The following WWP1 variants were observed in gnomAD, a reference collection of about 807,000 sequenced individuals.
WWP1 encodes NEDD4-like E3 ubiquitin-protein ligase WWP1.
In WWP1, 49 loss-of-function variants were observed where a neutral mutation model predicts 130.6. The ratio of observed to expected loss-of-function variants is 0.38; its 90% CI spans 0.30 to 0.48. WWP1 has a LOEUF of 0.48. WWP1 is among the 20% of genes least tolerant of loss of function. The probability of loss-of-function intolerance (pLI) is 0.99; values close to 1 mark genes in which losing one functional copy is unlikely to be tolerated. For missense variants in WWP1, 809 were observed against 1,100.6 expected (o/e 0.74, Z 3.75); for synonymous variants, 332 against 367.8 (o/e 0.90, Z 1.11).
chr8:86,408,779 G>T (rs945818270), intron 8 of WWP1, among the ~76,000 whole-genome samples: 4 of 152,028 alleles, frequency 2.6e-5, no homozygotes, highest in Non-Finnish European at 5.9e-5. Flanking sequence ...GTGTGGTGAC[G>T]CATGCCTATA....
intron 7 of WWP1, among the ~76,000 whole-genome samples, chr8:86,399,366 C>G (rs1796239769): frequency 6.6e-6 from 1 of 151,932 alleles, no homozygotes; most frequent in African/African-American, 2.4e-5. Context: ...CAGTTCATGA[C>G]AATTAATAGA....
At chr8:86,401,284 G>C (rs971422058) in intron 7 of WWP1, among the ~76,000 whole-genome samples, 1 of 151,968 alleles carries the variant, frequency 6.6e-6, no homozygotes. Context: ...TTTCAGGCCA[G>C]GTACAATGGC....
Position 86,427,800 on chromosome 8 carries a change from C to T in WWP1, c.1315C>T (p.Gln439Ter). The T allele has an allele frequency of 1.9e-6, 3 of 1,611,976 alleles. No individual in the cohort carries two copies. Among genetic ancestry groups the T allele is most frequent in the Non-Finnish European group, 2.5e-6 (3 of 1,178,928 alleles). The change falls in exon 11 of 25, where the codon CAA becomes TAA. Residue 439 changes from glutamine to a stop codon, truncating the protein, a stop_gained. Transcript: ENST00000517970. LOFTEE classifies it high-confidence loss of function. ...QLQGAMQQFN[Q>*]RYLYSASMLA... is the part of the protein sequence containing the mutation. ...GCAGGGAGCTATGCAACAGTTTAAC[C>T]AACGATACCTCTATTCGGTAATTAG...
At chr8:86,443,102 A>G (rs1810678660) in intron 18 of WWP1, among the ~76,000 whole-genome samples, 1 of 152,150 alleles carries the variant, frequency 6.6e-6, no homozygotes, top group Non-Finnish European at 1.5e-5. Flanking sequence ...AGAAAGGATC[A>G]CAGTCTGTTG....
At chr8:86,364,407 A>C (rs1823840367) in intron 1 of WWP1, among the ~76,000 whole-genome samples, 1 of 152,194 alleles carries the variant, frequency 6.6e-6, no homozygotes, top group Non-Finnish European at 1.5e-5. Context: ...AAACTGTGAT[A>C]TGTATGGTGC....
At chr8:86,358,817 A>T (rs958353973) in intron 1 of WWP1, among the ~76,000 whole-genome samples, 7 of 151,966 alleles carry the variant, frequency 4.6e-5, no homozygotes, top group Admixed American at 4.6e-4. Context: ...CCCATTTATT[A>T]TTTAGTAGGG....
At chr8:86,351,850 T>C (rs1378329295) in intron 1 of WWP1, among the ~76,000 whole-genome samples, 1 of 152,148 alleles carries the variant, frequency 6.6e-6, no homozygotes, top group African/African-American at 2.4e-5. Context: ...ATGTTGATTC[T>C]TGAGTATCCT....
intron 18 of WWP1, among the ~76,000 whole-genome samples, 199 bp downstream of exon 18, chr8:86,442,977 T>A (rs1810672292): frequency 6.6e-6 from 1 of 152,210 alleles, no homozygotes; most frequent in African/African-American, 2.4e-5. Flanking sequence ...AGATTATGTT[T>A]ATACAGCCAC....
At chr8:86,454,922 G>T (rs908485472) in intron 21 of WWP1, among the ~76,000 whole-genome samples, 1 of 152,044 alleles carries the variant, frequency 6.6e-6, no homozygotes, top group South Asian at 2.1e-4. Context: ...AGAGTGCAGA[G>T]CTGTGTGAGA....
At chr8:86,420,388 A>T (rs954031012) in intron 9 of WWP1, among the ~76,000 whole-genome samples, 28 of 152,280 alleles carry the variant, frequency 1.8e-4, no homozygotes, top group South Asian at 6.2e-4. Context: ...AGTATTTTTT[A>T]AAAAAAGAAA....
chr8:86,465,616 T>A lies in WWP1; in HGVS notation c.2670-1178T>A, dbSNP rs192473952. ...GCCTAGGCGACACAGCCAGACCCTG[T>A]CTCCAAATAAATAATCAGGAGAAAA... On this transcript the variant is annotated intron_variant, in intron 24 of 24. Coordinates refer to ENST00000517970, the MANE Select transcript of WWP1 (RefSeq NM_007013.4). Among the ~76,000 whole-genome samples, 12 of 152,126 alleles carry A rather than the reference T, an allele frequency of 7.9e-5. No homozygotes were observed. In the East Asian group the frequency reaches 2.1e-3, roughly 27 times the overall value.
At chr8:86,402,872 T>C (rs1403969136) in intron 8 of WWP1, among the ~76,000 whole-genome samples, 1 of 152,242 alleles carries the variant, frequency 6.6e-6, no homozygotes, top group African/African-American at 2.4e-5. Context: ...AATGGTTCTT[T>C]TATCCCATCT....
chr8:86,412,020 TACAA>T, intron 9 of WWP1, 146 bp downstream of exon 9: 1 of 802,762 alleles, frequency 1.2e-6, no homozygotes, highest in Non-Finnish European at 1.9e-6. Context: ...ATTTACTTGC[TACAA>T]AACAAGTACT....
At chr8:86,407,130 A>G (rs1808324660) in intron 8 of WWP1, among the ~76,000 whole-genome samples, 1 of 152,126 alleles carries the variant, frequency 6.6e-6, no homozygotes, top group South Asian at 2.1e-4. Context: ...TCTTGTGGAG[A>G]TGAGATGGTT....
In WWP1 at chr8:86,380,822, C is replaced by A; in HGVS notation, c.167C>A (p.Ser56Tyr). Residue 56 changes from serine to tyrosine, a missense_variant, in exon 4 of 25, where the codon TCC (serine) becomes TAC (tyrosine). Coordinates refer to ENST00000517970, the MANE Select transcript of WWP1 (RefSeq NM_007013.4). ...GGAGAAATTACGAAAACAGCAAAAT[C>A]CAGTAGTTCTTCTAATCCAAAATGG... ...VDGEITKTAK[S>Y]SSSSNPKWDE... 6.2e-7 allele frequency: 1 copy of A among 1,612,922 alleles called. No individual in the cohort carries two copies. The highest frequency in any genetic ancestry group is 8.5e-7 in the Non-Finnish European group (1 of 1,179,486).
chr8:86,426,549 A>G (rs1256864248), intron 10 of WWP1, among the ~76,000 whole-genome samples: 1 of 152,150 alleles, frequency 6.6e-6, no homozygotes, highest in Non-Finnish European at 1.5e-5. Context: ...CAAAGGGGAA[A>G]CAAAATTCAC....
chr8:86,399,781 C>G (rs762296936), intron 7 of WWP1, among the ~76,000 whole-genome samples: 1 of 152,102 alleles, frequency 6.6e-6, no homozygotes, highest in African/African-American at 2.4e-5. Context: ...GGTTCTTTTA[C>G]CTAGACTTCT....
chr8:86,358,977 C>T (rs1182685337), intron 1 of WWP1, among the ~76,000 whole-genome samples: 2 of 152,096 alleles, frequency 1.3e-5, no homozygotes, highest in Admixed American at 6.5e-5. Flanking sequence ...GACACCTGAG[C>T]GGACAGATGA....
At chr8:86,385,044 A>C (rs1372714934) in intron 5 of WWP1, among the ~76,000 whole-genome samples, 1 of 152,020 alleles carries the variant, frequency 6.6e-6, no homozygotes, top group Admixed American at 6.6e-5. Flanking sequence ...AAAAGTAAAC[A>C]ACTGCCAAGA....
Sources: gnomAD v4.1 joint callset for allele counts (sites outside exome capture counted in the v4.1 genomes callset) on GRCh38, gnomAD v4.1.1 for gene constraint, MANE v1.5 for transcripts, NCBI Gene and HGNC (gene_info 2026-07-23, HGNC 2026-07-21) for gene names.